Variants in RAB40A observed in about 807,000 individuals in gnomAD.
RAB40A encodes the protein ras-related protein Rab-40A.
For synonymous variants in RAB40A, 65 were observed against 99.9 expected (o/e 0.65, Z 2.08); for missense variants, 145 against 230.2 (o/e 0.63, Z 2.40).
intron 2 of RAB40A, among the ~76,000 whole-genome samples, chrX:103,511,698 G>A (rs372869193): frequency 9.1e-6 from 1 of 109,910 alleles, no homozygotes; most frequent in Non-Finnish European, 1.9e-5. Context: ...GGCCTGTTAG[G>A]GGGTGGGGGC....
At chrX:103,503,346 A>C (rs1308033327) in intron 2 of RAB40A, 2 of 750,296 alleles carry the variant, frequency 2.7e-6, no homozygotes, top group African/African-American at 2.4e-5. Context: ...GAATGGGAGG[A>C]GGTCTGGGAA....
At chrX:103,511,318 G>A (rs2073288142) in intron 2 of RAB40A, among the ~76,000 whole-genome samples, 1 of 109,519 alleles carries the variant, frequency 9.1e-6, no homozygotes, top group Non-Finnish European at 1.9e-5. Context: ...CTAACACAGT[G>A]AAACACCATC....
intron 2 of RAB40A, among the ~76,000 whole-genome samples, chrX:103,504,485 GACT>G (rs2073244487): frequency 9.0e-6 from 1 of 110,873 alleles, no homozygotes; most frequent in Non-Finnish European, 1.9e-5. Context: ...CCATTTCATT[GACT>G]ACAGAAAGGC....
intron 2 of RAB40A, among the ~76,000 whole-genome samples, chrX:103,509,048 C>G (rs954188937): frequency 8.9e-6 from 1 of 111,935 alleles, no homozygotes; most frequent in Non-Finnish European, 1.9e-5. Flanking sequence ...ATTGTCCACT[C>G]TGTTATTAGG....
At chrX:103,503,956 C>G (rs1603130160) in intron 2 of RAB40A, among the ~76,000 whole-genome samples, 1 of 111,722 alleles carries the variant, frequency 9.0e-6, no homozygotes, top group East Asian at 2.8e-4. Context: ...TAAACATGTG[C>G]ACAGTACTTT....
intron 2 of RAB40A, among the ~76,000 whole-genome samples, chrX:103,517,024 C>T (rs1197998039): frequency 9.0e-6 from 1 of 111,335 alleles, no homozygotes; most frequent in African/African-American, 3.3e-5. Flanking sequence ...ACGTTATATG[C>T]CAGGGTCTAC....
downstream of RAB40A, among the ~76,000 whole-genome samples, chrX:103,494,593 A>G (rs1267926464): frequency 8.9e-6 from 1 of 111,893 alleles, no homozygotes; most frequent in Non-Finnish European, 1.9e-5. Flanking sequence ...TATTGATTTA[A>G]TTTTTGTATA....
At position 103,499,856 on chromosome X, in the gene RAB40A, C is replaced by T; in HGVS notation, c.*67G>A. 3 of 1,158,465 alleles carry T rather than the reference C, an allele frequency of 2.6e-6. No individual in the cohort carries two copies. Among genetic ancestry groups the T allele is most frequent in the Non-Finnish European group, 3.5e-6 (3 of 846,819 alleles). On this transcript the variant is annotated 3_prime_UTR_variant, in exon 3 of 3. Coordinates refer to ENST00000304236, the MANE Select transcript of RAB40A (RefSeq NM_080879.3). ...ATTTCTTGAATCTACAATGCGACTT[C>T]CATCTTCCAGGTGTAACCAGAGTTT...
chrX:103,496,843 T>A (rs1178974488), downstream of RAB40A, among the ~76,000 whole-genome samples: 1 of 112,562 alleles, frequency 8.9e-6, no homozygotes, highest in Non-Finnish European at 1.9e-5. Flanking sequence ...ATAATCTTTG[T>A]CTATACAAAA....
chrX:103,517,089 C>G (rs1047088527), intron 2 of RAB40A, among the ~76,000 whole-genome samples: 3 of 111,759 alleles, frequency 2.7e-5, no homozygotes, highest in African/African-American at 9.8e-5. Context: ...CTGTCCAAAA[C>G]TTATGAAATT....
intron 2 of RAB40A, among the ~76,000 whole-genome samples, chrX:103,514,920 T>C (rs968700427): frequency 1.8e-5 from 2 of 112,175 alleles, no homozygotes; most frequent in Admixed American, 9.5e-5. Context: ...ATTACCCCCA[T>C]TATACTCTGT....
Position 103,499,941 on chromosome X carries a change from G to A in RAB40A, c.816C>T (p.Asn272=). The change falls in exon 3 of 3, where the codon AAC becomes AAT. Residue 272 remains asparagine (N), a synonymous_variant. Coordinates refer to ENST00000304236, the MANE Select transcript of RAB40A (RefSeq NM_080879.3). ...PQSPPKNCTR[N]SCKIS ...GCCTTCCTTAAGAAATTTTGCAGCT[G>A]TTTCTGGTGCAGTTTTTGGGTGGGC... The A allele has an allele frequency of 8.4e-7, 1 of 1,197,085 alleles. No homozygotes were observed. The highest frequency in any genetic ancestry group is 1.1e-6 in the Non-Finnish European group (1 of 882,711).
intron 2 of RAB40A, among the ~76,000 whole-genome samples, chrX:103,507,588 G>GAAA (rs61571242): frequency 2.7e-5 from 3 of 109,865 alleles, no homozygotes; most frequent in African/African-American, 1.0e-4. Context: ...AATAACAACT[G>GAAA]AAAAAAAACC....
At chrX:103,518,515 T>C (rs1402543947) in intron 1 of RAB40A, among the ~76,000 whole-genome samples, 2 of 110,599 alleles carry the variant, frequency 1.8e-5, no homozygotes, top group Non-Finnish European at 3.8e-5. Context: ...TAGATGAATC[T>C]GGACCAAACT....
chrX:103,512,793 GA>G (rs890672011), intron 2 of RAB40A, among the ~76,000 whole-genome samples: 38 of 110,739 alleles, frequency 3.4e-4, no homozygotes, highest in South Asian at 1.9e-3. Context: ...TATAACTTCT[GA>G]AAAAAAATTC....
At chrX:103,515,530 T>C (rs2073312601) in intron 2 of RAB40A, among the ~76,000 whole-genome samples, 1 of 112,234 alleles carries the variant, frequency 8.9e-6, no homozygotes, top group African/African-American at 3.2e-5. Flanking sequence ...ATGTATCAGA[T>C]GGTTTCTTTA....
chrX:103,515,389 A>G (rs977746204), intron 2 of RAB40A, among the ~76,000 whole-genome samples: 1 of 112,593 alleles, frequency 8.9e-6, no homozygotes, highest in Non-Finnish European at 1.9e-5. Context: ...CAAAGGTTCT[A>G]TAACATATGA....
intron 2 of RAB40A, among the ~76,000 whole-genome samples, chrX:103,509,108 T>A (rs1353329853): frequency 2.7e-5 from 3 of 111,855 alleles, no homozygotes; most frequent in Non-Finnish European, 5.6e-5. Flanking sequence ...ATTGGAGGTA[T>A]CTCATTAACT....
intron 1 of RAB40A, among the ~76,000 whole-genome samples, chrX:103,518,133 A>G (rs2073325137): frequency 8.9e-6 from 1 of 112,112 alleles, no homozygotes; most frequent in South Asian, 3.7e-4. Context: ...TCACCTTTGT[A>G]GAAATTCTAT....
Sources: allele counts gnomAD v4.1 joint callset (sites outside exome capture counted in the v4.1 genomes callset), GRCh38; gene constraint gnomAD v4.1.1; transcripts MANE v1.5; gene names NCBI Gene and HGNC (gene_info 2026-07-23, HGNC 2026-07-21).